The following SLC35F4 variants were observed in gnomAD, a reference collection of about 807,000 sequenced individuals.
SLC35F4 encodes solute carrier family 35 member F4.
In SLC35F4, 24 loss-of-function variants were observed where a neutral mutation model predicts 44.2. The observed-to-expected ratio is 0.54, with a 90% CI of 0.39 to 0.76. SLC35F4 has a LOEUF of 0.76. Among genes scored for constraint, SLC35F4 ranks in the 30% least tolerant of loss-of-function variants. The pLI is 0.00. For synonymous variants in SLC35F4, 238 were observed against 223.6 expected (o/e 1.06, Z -0.57); for missense variants, 562 against 586.1 (o/e 0.96, Z 0.42).
chr14:57,673,525 C>T (rs2074588675), intron 1 of SLC35F4, among the ~76,000 whole-genome samples: 1 of 152,036 alleles, frequency 6.6e-6, no homozygotes, highest in Non-Finnish European at 1.5e-5. Flanking sequence ...TATTTATTCA[C>T]CAGCACTCCA....
intron 1 of SLC35F4, among the ~76,000 whole-genome samples, chr14:57,912,942 C>T (rs961310820): frequency 1.1e-4 from 17 of 152,042 alleles, no homozygotes; most frequent in Non-Finnish European, 2.5e-4. Flanking sequence ...TATTTTGATG[C>T]TCTGTTGTTA....
At chr14:57,761,912 G>C (rs2077133996) in intron 1 of SLC35F4, among the ~76,000 whole-genome samples, 1 of 152,094 alleles carries the variant, frequency 6.6e-6, no homozygotes, top group Non-Finnish European at 1.5e-5. Flanking sequence ...GATGGAATTT[G>C]TTAAAAAGGT....
intron 1 of SLC35F4, among the ~76,000 whole-genome samples, chr14:57,843,654 G>A (rs1885714783): frequency 6.6e-6 from 1 of 152,086 alleles, no homozygotes; most frequent in South Asian, 2.1e-4. Context: ...GAGACGAAGG[G>A]TTTTGAAGCA....
chr14:57,802,212 AC>A (rs1184383165), intron 1 of SLC35F4, among the ~76,000 whole-genome samples: 1 of 152,176 alleles, frequency 6.6e-6, no homozygotes, highest in East Asian at 1.9e-4. Flanking sequence ...AAATTGAACA[AC>A]CTACTCCTGA....
At chr14:57,830,029 C>T (rs984197940) in intron 1 of SLC35F4, among the ~76,000 whole-genome samples, 18 of 151,954 alleles carry the variant, frequency 1.2e-4, no homozygotes, top group Non-Finnish European at 7.4e-5. Flanking sequence ...ATTTCCATTC[C>T]TCTACAGTTT....
intron 1 of SLC35F4, among the ~76,000 whole-genome samples, chr14:57,828,426 A>G (rs1884018384): frequency 6.6e-6 from 1 of 152,156 alleles, no homozygotes; most frequent in Non-Finnish European, 1.5e-5. Flanking sequence ...CAATAGACAC[A>G]CTGGGCCAAA....
chr14:57,694,463 T>TA (rs1379126793), intron 1 of SLC35F4, among the ~76,000 whole-genome samples: 6 of 152,228 alleles, frequency 3.9e-5, no homozygotes, highest in Non-Finnish European at 4.4e-5. Flanking sequence ...TCTGTAGCTC[T>TA]AATGTACTCA....
chr14:57,908,100 T>C (rs948152350), intron 1 of SLC35F4, among the ~76,000 whole-genome samples: 2 of 152,228 alleles, frequency 1.3e-5, no homozygotes, highest in South Asian at 2.1e-4. Flanking sequence ...GCTTCATCCA[T>C]GTCCCTGCAA....
At chr14:57,593,312 A>T (rs890515478) in intron 2 of SLC35F4, among the ~76,000 whole-genome samples, 2 of 152,198 alleles carry the variant, frequency 1.3e-5, no homozygotes, top group Non-Finnish European at 2.9e-5. Context: ...GCTGCATTTA[A>T]AAACTATAAA....
At chr14:57,734,390 G>A (rs988030717) in intron 1 of SLC35F4, among the ~76,000 whole-genome samples, 1 of 152,100 alleles carries the variant, frequency 6.6e-6, no homozygotes, top group African/African-American at 2.4e-5. Flanking sequence ...AAAATAAGTT[G>A]CACAAAATGA....
At chr14:57,691,510 T>C (rs1430426913) in intron 1 of SLC35F4, among the ~76,000 whole-genome samples, 2 of 152,202 alleles carry the variant, frequency 1.3e-5, no homozygotes, top group Non-Finnish European at 2.9e-5. Context: ...TGTGAATAAA[T>C]CAACAGAATA....
At chr14:57,951,564 C>G (rs118017144) in intron 1 of SLC35F4, among the ~76,000 whole-genome samples, 1,974 of 152,290 alleles carry the variant, frequency 0.013, 22 homozygotes, top group Non-Finnish European at 0.02. Flanking sequence ...GCACAATAGC[C>G]TGGAGTCGAC....
chr14:57,675,778 GT>G (rs1802039029), intron 1 of SLC35F4, among the ~76,000 whole-genome samples: 2 of 152,036 alleles, frequency 1.3e-5, no homozygotes, highest in South Asian at 4.1e-4. Context: ...TGATCATATG[GT>G]TTTTGTTTTT....
intron 1 of SLC35F4, among the ~76,000 whole-genome samples, chr14:57,957,653 T>C (rs960601830): frequency 2.6e-5 from 4 of 152,094 alleles, no homozygotes; most frequent in Non-Finnish European, 5.9e-5. Context: ...TCAGCAATCA[T>C]GCAGAGACAA....
chr14:57,598,503 G>A (rs1460828169), intron 1 of SLC35F4, among the ~76,000 whole-genome samples: 33 of 152,192 alleles, frequency 2.2e-4, no homozygotes, highest in Non-Finnish European at 5.9e-5. Flanking sequence ...AGTATAAGAT[G>A]TGAAGTTCTC....
intron 1 of SLC35F4, chr14:57,631,138 C>T (rs1037926933): frequency 5.2e-5 from 8 of 152,500 alleles, no homozygotes; most frequent in African/African-American, 1.9e-4. Flanking sequence ...TCAGGGCAGG[C>T]CTTTATGTCT....
At chr14:57,702,390 G>A (rs1472289713) in intron 1 of SLC35F4, among the ~76,000 whole-genome samples, 3 of 148,698 alleles carry the variant, frequency 2.0e-5, no homozygotes, top group African/African-American at 7.5e-5. Context: ...TACCAAACCT[G>A]TGCCTGTTCT....
chr14:57,982,461 C>A (rs1393311006), upstream of SLC35F4, among the ~76,000 whole-genome samples: 2 of 152,112 alleles, frequency 1.3e-5, no homozygotes, highest in Non-Finnish European at 2.9e-5. Flanking sequence ...GATGAACCAG[C>A]ATTGTTGTGT....
chr14:57,867,435 G>A (rs1388853826), upstream of SLC35F4, among the ~76,000 whole-genome samples: 1 of 152,182 alleles, frequency 6.6e-6, no homozygotes, highest in Non-Finnish European at 1.5e-5. Flanking sequence ...GCTGGAAGGA[G>A]AGTTCATAAA....
Sources: allele counts gnomAD v4.1 joint callset (sites outside exome capture counted in the v4.1 genomes callset), GRCh38; gene constraint gnomAD v4.1.1; transcripts MANE v1.5; gene names NCBI Gene and HGNC (gene_info 2026-07-23, HGNC 2026-07-21).